The following SARDH variants were observed in gnomAD, a reference collection of about 807,000 sequenced individuals.
SARDH encodes sarcosine dehydrogenase, also known as sarcosine dehydrogenase, mitochondrial.
SARDH carries 95 observed loss-of-function variants against 109.1 expected under a neutral mutation model. That is an observed-to-expected ratio of 0.87 (90% CI 0.74 to 1.03). SARDH has a LOEUF of 1.03. Among genes scored for constraint, SARDH ranks in the 50% least tolerant of loss-of-function variants. The probability of loss-of-function intolerance (pLI) is 0.00; values close to 1 mark genes in which losing one functional copy is unlikely to be tolerated. For synonymous variants in SARDH, 572 were observed against 534.8 expected (o/e 1.07, Z -0.96); for missense variants, 1,267 against 1,287.8 (o/e 0.98, Z 0.25).
intron 17 of SARDH, among the ~76,000 whole-genome samples, chr9:133,673,945 G>A (rs1307601738): frequency 6.6e-6 from 1 of 152,198 alleles, no homozygotes; most frequent in East Asian, 1.9e-4. Flanking sequence ...CAGCGAGGAT[G>A]GGGTCAGCTG....
In SARDH at chr9:133,728,175, T is replaced by C. The variant is rs1212915328; in HGVS notation, c.915+1590A>G. Reference sequence around the variant, plus strand: ...CTCATTCTATGAACAAGAGGTCTTGTGTCCAGTGGGGCGTGGCTTGCCCAG... The same window carrying C: ...CTCATTCTATGAACAAGAGGTCTTGCGTCCAGTGGGGCGTGGCTTGCCCAG... On this transcript the variant is annotated intron_variant, in intron 6 of 20. Transcript: ENST00000439388. The surrounding 1 kb of genome is among the most constrained non-coding windows in gnomAD (Gnocchi z 5.0). 6.6e-6 allele frequency among the ~76,000 whole-genome samples: 1 copy of C among 152,178 alleles called. No individual in the cohort carries two copies. The highest frequency in any genetic ancestry group is 1.9e-4 in the East Asian group (1 of 5,196).
At chr9:133,710,308 A>G (rs1389218778) in intron 10 of SARDH, among the ~76,000 whole-genome samples, 1 of 152,248 alleles carries the variant, frequency 6.6e-6, no homozygotes, top group Non-Finnish European at 1.5e-5. Context: ...GCTGACAGAT[A>G]TGGGGCTGGA....
chr9:133,679,148 C>T (rs1020819907), intron 17 of SARDH, among the ~76,000 whole-genome samples: 4 of 152,188 alleles, frequency 2.6e-5, no homozygotes, highest in East Asian at 1.9e-4. Context: ...GGCAACAGCT[C>T]GACCCGTGAC....
rs371689664 is a variant in SARDH at position 133,718,788 on chromosome 9, G to A, written c.1020+150C>T. 192 of 792,954 alleles carry A rather than the reference G, an allele frequency of 2.4e-4. 1 individual carries two copies. In the African/African-American group the frequency reaches 3.0e-3, roughly 12 times the overall value. The allele number at this position is 792,954 out of a possible 1,614,324, so 49.1% of individuals were successfully genotyped here. On this transcript the variant is annotated intron_variant, in intron 7 of 20. Coordinates refer to ENST00000439388, the MANE Select transcript of SARDH (RefSeq NM_001134707.2). This position sits in a 1 kb window ranked among gnomAD's most constrained non-coding sequence, Gnocchi z 4.2. ...AGGACCGTCAGGGTAAGAGCAAGAT[G>A]GCTTTGAGCTTGGTGGGGTCAGGGG...
Position 133,708,437 on chromosome 9 carries a change from G to C in SARDH, c.1329-9C>G. 6.2e-7 allele frequency: 1 copy of C among 1,606,388 alleles called. No individual in the cohort carries two copies. Among genetic ancestry groups the C allele is most frequent in the Non-Finnish European group, 8.5e-7 (1 of 1,177,178 alleles). ...GCGAGTGATGGAAGCGCCTGCCGCAGACAGGGGGACGGGTCACTGCTTTGG... is the reference window on the plus strand; with the variant it reads ...GCGAGTGATGGAAGCGCCTGCCGCACACAGGGGGACGGGTCACTGCTTTGG... On this transcript the variant is annotated splice_polypyrimidine_tract_variant and intron_variant, in intron 10 of 20. Transcript: ENST00000439388.
intron 13 of SARDH, among the ~76,000 whole-genome samples, chr9:133,697,200 CA>C (rs1831316793): frequency 6.6e-6 from 1 of 152,122 alleles, no homozygotes; most frequent in South Asian, 2.1e-4. Context: ...ACGAAATGGA[CA>C]AATTCCTAGA....
intron 6 of SARDH, among the ~76,000 whole-genome samples, chr9:133,721,080 G>A (rs1007154349): frequency 6.6e-6 from 1 of 152,178 alleles, no homozygotes; most frequent in South Asian, 2.1e-4. Flanking sequence ...TCCAGAAAGA[G>A]AAGACAGAGA....
chr9:133,661,438 A>C (rs1345391207), downstream of SARDH, among the ~76,000 whole-genome samples: 1 of 151,736 alleles, frequency 6.6e-6, no homozygotes, highest in Admixed American at 6.6e-5. Flanking sequence ...GTCTCACTGC[A>C]CACTGTGGTA....
intron 16 of SARDH, among the ~76,000 whole-genome samples, chr9:133,687,997 G>GC (rs936257775): frequency 6.6e-6 from 1 of 152,006 alleles, no homozygotes; most frequent in Non-Finnish European, 1.5e-5. Context: ...CGCACCGGCC[G>GC]CCCCCGGGCC....
At chr9:133,735,101 C>T (rs667021) in intron 1 of SARDH, among the ~76,000 whole-genome samples, 130 of 152,294 alleles carry the variant, frequency 8.5e-4, no homozygotes, top group Non-Finnish European at 1.5e-3. Context: ...CGCAGGGTAT[C>T]GGCAGGCAGC....
At chr9:133,703,152 C>A (rs1039732696) in intron 12 of SARDH, 123 bp from the exon 13 acceptor site, 67 of 801,184 alleles carry the variant, frequency 8.4e-5, no homozygotes, top group African/African-American at 7.4e-4. Flanking sequence ...GAGAGCCCTG[C>A]ACTGAGTGCC....
intron 3 of SARDH, among the ~76,000 whole-genome samples, chr9:133,731,866 A>G (rs1171826200): frequency 2.6e-5 from 4 of 152,180 alleles, no homozygotes; most frequent in African/African-American, 9.7e-5. Context: ...CAGGTCTAAT[A>G]CTTTGGGCCT....
intron 17 of SARDH, among the ~76,000 whole-genome samples, chr9:133,674,225 C>T (rs1431241638): frequency 1.3e-5 from 2 of 152,248 alleles, no homozygotes; most frequent in Non-Finnish European, 2.9e-5. Context: ...AGAACAAACA[C>T]GGGCTCCCAG....
In SARDH at chr9:133,682,648, C is replaced by T. The variant is rs183611392; in HGVS notation, c.2163+2545G>A. 8.0e-4 allele frequency among the ~76,000 whole-genome samples: 121 copies of T among 151,464 alleles called. 2 individuals carry two copies. The highest frequency in any genetic ancestry group is 7.5e-3 in the Admixed American group (113 of 15,156). ...CTCAGCCCCTGTGCTGAAACCCACG[C>T]GCAGTGATGGTTGGAAACTGCTAGA... On this transcript the variant is annotated intron_variant, in intron 17 of 20. Coordinates refer to ENST00000439388, the MANE Select transcript of SARDH (RefSeq NM_001134707.2).
chr9:133,733,730 G>A (rs985991603), intron 2 of SARDH, 113 bp downstream of exon 2: 3 of 1,078,800 alleles, frequency 2.8e-6, no homozygotes, highest in African/African-American at 3.3e-5. Context: ...CTTCCCCAGG[G>A]TCTCTTCCCC....
rs1026034522 is a variant in SARDH, at chr9:133,704,709, A to G, written c.1554+239T>C. Among the ~76,000 whole-genome samples, 1 of 152,208 alleles carries G rather than the reference A, an allele frequency of 6.6e-6. No individual in the cohort carries two copies. Among genetic ancestry groups the G allele is most frequent in the African/African-American group, 2.4e-5 (1 of 41,450 alleles). On this transcript the variant is annotated intron_variant, in intron 12 of 20. Coordinates refer to ENST00000439388, the MANE Select transcript of SARDH (RefSeq NM_001134707.2). The surrounding 1 kb of genome is among the most constrained non-coding windows in gnomAD (Gnocchi z 4.5). The stretch of plus-strand genomic sequence containing the variant: ...CTTAGGCCATGGAAGGCCTGGCCAC[A>G]GCGGACGGGTAGTGGGGAGGACGAG...
chr9:133,734,135 G>A lies in SARDH; in HGVS notation c.39C>T (p.Ala13=), dbSNP rs765140053. The change falls in exon 2 of 21, where the codon GCC becomes GCT. Residue 13 remains alanine, a synonymous_variant. Coordinates refer to ENST00000439388, the MANE Select transcript of SARDH (RefSeq NM_001134707.2). ...CCCGGGTAGGGCTCTGGCGAGGGTG[G>A]GCAGCAGCCACACGTAGGGCTCGGC... ...SLSRALRVAA[A]HPRQSPTRGM... The A allele has an allele frequency of 1.2e-6, 2 of 1,608,366 alleles. No individual in the cohort carries two copies. Among genetic ancestry groups the A allele is most frequent in the Admixed American group, 1.7e-5 (1 of 59,628 alleles).
upstream of SARDH, among the ~76,000 whole-genome samples, chr9:133,738,983 C>G (rs1053582011): frequency 2.1e-4 from 32 of 152,340 alleles, no homozygotes; most frequent in African/African-American, 7.2e-4. Flanking sequence ...ATTCCAGCCT[C>G]CATTGACTGT....
chr9:133,686,187 G>A lies in SARDH; in HGVS notation c.2070-901C>T, dbSNP rs935637444. On this transcript the variant is annotated intron_variant, in intron 16 of 20. Coordinates refer to ENST00000439388, the MANE Select transcript of SARDH (RefSeq NM_001134707.2). This position sits in a 1 kb window ranked among gnomAD's most constrained non-coding sequence, Gnocchi z 4.0. ...TTAAGCTCTGCGAGGGTGGGGATTC[G>A]CTCCCCACTTTCCCTGCTCCGTGGT... 3.3e-5 allele frequency among the ~76,000 whole-genome samples: 5 copies of A among 151,988 alleles called. No homozygotes were observed. Among genetic ancestry groups the A allele is most frequent in the Non-Finnish European group, 1.5e-5 (1 of 67,974 alleles).
Sources: gnomAD v4.1 joint callset for allele counts (sites outside exome capture counted in the v4.1 genomes callset) on GRCh38, gnomAD v4.1.1 for gene constraint, Gnocchi (gnomAD v3.1) non-coding constraint, MANE v1.5 for transcripts, NCBI Gene and HGNC (gene_info 2026-07-23, HGNC 2026-07-21) for gene names.